Variants in TENM2 observed in about 807,000 individuals in gnomAD.
TENM2 encodes teneurin transmembrane protein 2, also known as teneurin-2.
Under a neutral mutation model 245.2 loss-of-function variants are expected in TENM2, and 52 were observed. The ratio of observed to expected loss-of-function variants is 0.21; its 90% CI spans 0.17 to 0.27. The LOEUF is 0.27. TENM2 is among the 10% of genes least tolerant of loss of function. The pLI, the probability that TENM2 is intolerant of heterozygous loss-of-function variation, is 1.00. For synonymous variants in TENM2, 1,363 were observed against 1,438.9 expected, an observed-to-expected ratio of 0.95 and a Z score of 1.19; for missense variants, 3,046 against 3,666.8, an observed-to-expected ratio of 0.83 and a Z score of 4.37.
chr5:167,971,819 G>A (rs560892010), intron 4 of TENM2, among the ~76,000 whole-genome samples: 1 of 152,326 alleles, frequency 6.6e-6, no homozygotes, highest in African/African-American at 2.4e-5. Context: ...TTTCAAACTG[G>A]AAACCAAGTT....
intron 13 of TENM2, among the ~76,000 whole-genome samples, chr5:168,188,212 C>T (rs1472357): frequency 0.83 from 126,481 of 152,156 alleles, 53,202 homozygotes; most frequent in African/African-American, 0.94. Context: ...AAAAATTACA[C>T]TGTAGTAAAT....
At chr5:168,195,434 C>T in intron 15 of TENM2, 139 bp downstream of exon 17, 1 of 983,378 alleles carries the variant, frequency 1.0e-6, no homozygotes, top group Non-Finnish European at 1.5e-6. Context: ...AGTGAGGATT[C>T]CCCCAAAGAC....
At chr5:167,170,432 G>A in the TENM2 span, among the ~76,000 whole-genome samples, 1 of 152,136 alleles carries the variant, frequency 6.6e-6, no homozygotes, top group African/African-American at 2.4e-5. Context: ...TGGCCAAATT[G>A]AGTGTATAAA....
At chr5:167,680,127 A>G (rs927673602) in intron 2 of TENM2, among the ~76,000 whole-genome samples, 1 of 152,088 alleles carries the variant, frequency 6.6e-6, no homozygotes, top group Admixed American at 6.6e-5. Flanking sequence ...TTGCAGCTGA[A>G]CTATTTAATT....
At chr5:167,385,810 T>C (rs1761395078) in intron 2 of TENM2, among the ~76,000 whole-genome samples, 1 of 151,990 alleles carries the variant, frequency 6.6e-6, no homozygotes, top group Non-Finnish European at 1.5e-5. Context: ...GTGAAAGCTA[T>C]TAATTCATTC....
At chr5:168,226,197 C>T (rs1280634774) in exon 24 of TENM2, 4 of 1,613,522 alleles carry the variant, frequency 2.5e-6, no homozygotes, top group South Asian at 1.1e-5. Flanking sequence ...GAACTCCAAC[C>T]GTGATGATGA....
the TENM2 span, chr5:167,119,546 G>C: frequency 6.6e-6 from 1 of 152,282 alleles, no homozygotes; most frequent in Non-Finnish European, 1.5e-5. Flanking sequence ...ATCCTCTGCA[G>C]GGGAGGAGTG....
chr5:167,359,997 C>T (rs375595930), intron 1 of TENM2, among the ~76,000 whole-genome samples: 4 of 152,084 alleles, frequency 2.6e-5, no homozygotes, highest in South Asian at 2.1e-4. Context: ...AAAAAGGGAA[C>T]GACAGACACT....
At chr5:167,626,215 T>C (rs1335501922) in intron 2 of TENM2, among the ~76,000 whole-genome samples, 1 of 152,124 alleles carries the variant, frequency 6.6e-6, no homozygotes, top group Admixed American at 6.6e-5. Context: ...TTCCACAAAT[T>C]GAGGTGGATT....
At chr5:167,339,511 T>C (rs1377950926) in intron 1 of TENM2, among the ~76,000 whole-genome samples, 1 of 152,182 alleles carries the variant, frequency 6.6e-6, no homozygotes, top group Non-Finnish European at 1.5e-5. Context: ...TCTCATTCAT[T>C]TATTCTTTTT....
intron 1 of TENM2, among the ~76,000 whole-genome samples, chr5:167,370,341 CAAAAAAAAAAAAA>C (rs35067759): frequency 1.1e-4 from 8 of 73,472 alleles, no homozygotes; most frequent in Admixed American, 1.0e-3. Flanking sequence ...GACTCCGTCT[CAAAAAAAAAAAAA>C]AAAAAAAAAA....
intron 5 of TENM2, among the ~76,000 whole-genome samples, chr5:168,018,481 GTC>G (rs1562057950): frequency 6.6e-6 from 1 of 151,408 alleles, no homozygotes; most frequent in African/African-American, 2.4e-5. Context: ...CTCTTCTTGG[GTC>G]TCTTTTGTTG....
At chr5:167,846,678 T>C (rs1188660597) in intron 2 of TENM2, among the ~76,000 whole-genome samples, 2 of 152,306 alleles carry the variant, frequency 1.3e-5, no homozygotes, top group African/African-American at 4.8e-5. Flanking sequence ...TACAAATTAA[T>C]ACCCCCAAAT....
chr5:168,190,784 G>A lies in TENM2; in HGVS notation c.2780+237G>A, dbSNP rs571618224. On this transcript the variant is annotated intron_variant, in intron 14 of 28. Coordinates refer to ENST00000518659, the Ensembl canonical transcript of TENM2. Reference sequence around the variant, plus strand: ...CATCTTTAACCCAGAACCTGCTGGAGACACCTGTTGATTCCCTGGTTTTTA... The same window carrying A: ...CATCTTTAACCCAGAACCTGCTGGAAACACCTGTTGATTCCCTGGTTTTTA... 5 of 392,394 alleles carry A rather than the reference G, an allele frequency of 1.3e-5. No homozygotes were observed. The South Asian group carries it at 2.7e-4, about 21-fold the overall frequency. The allele number at this position is 392,394 out of a possible 1,614,324, so 24.3% of individuals were successfully genotyped here. A position where few individuals can be genotyped will look rare whatever the true frequency, so the allele number is the denominator to read the frequency against.
chr5:167,933,104 T>C (rs1778412621), intron 3 of TENM2, among the ~76,000 whole-genome samples: 1 of 152,176 alleles, frequency 6.6e-6, no homozygotes, highest in Admixed American at 6.5e-5. Context: ...CGGTCAGTGT[T>C]CTTGACAGGC....
In TENM2 at chr5:167,515,629, A is replaced by ATATATATGTATATATATACG. The variant is rs1562018828; in HGVS notation, c.502+140156_502+140157insTATATATGTATATATATACG. ...GGGCAATATATATATACATATATAT[A>ATATATATGTATATATATACG]CATATATATGTATATATATACACAT... On this transcript the variant is annotated intron_variant, in intron 2 of 28. Coordinates refer to ENST00000518659, the Ensembl canonical transcript of TENM2. Among the ~76,000 whole-genome samples, 265 of 125,644 alleles carry ATATATATGTATATATATACG rather than the reference A, an allele frequency of 2.1e-3. 8 individuals carry two copies. Among genetic ancestry groups the ATATATATGTATATATATACG allele is most frequent in the African/African-American group, 9.8e-3 (255 of 25,930 alleles). 82.4% of individuals were successfully genotyped at this position (125,644 alleles called of 152,430 possible).
chr5:167,390,809 A>G (rs1194920633), intron 2 of TENM2, among the ~76,000 whole-genome samples: 1 of 152,170 alleles, frequency 6.6e-6, no homozygotes, highest in Non-Finnish European at 1.5e-5. Flanking sequence ...ACTGATACAC[A>G]TTTATGGCTA....
chr5:167,760,023 C>A (rs1453714728), intron 2 of TENM2, among the ~76,000 whole-genome samples: 1 of 152,144 alleles, frequency 6.6e-6, no homozygotes, highest in Non-Finnish European at 1.5e-5. Flanking sequence ...CTTACTAGAG[C>A]GGTGGCTGTA....
At chr5:166,979,036 C>CGA in the TENM2 span, among the ~76,000 whole-genome samples, 24 of 151,898 alleles carry the variant, frequency 1.6e-4, no homozygotes, top group Non-Finnish European at 3.4e-4. Flanking sequence ...TGTGTGCGCG[C>CGA]GAGAGCTCGC....
Sources: gnomAD v4.1 joint callset for allele counts (sites outside exome capture counted in the v4.1 genomes callset) on GRCh38, gnomAD v4.1.1 for gene constraint, MANE v1.5 for transcripts, NCBI Gene and HGNC (gene_info 2026-07-23, HGNC 2026-07-21) for gene names.